Variants in NME7 observed in about 807,000 individuals in gnomAD.
NME7 encodes nucleoside diphosphate kinase 7.
NME7 carries 41 observed loss-of-function variants against 49.1 expected under a neutral mutation model. The ratio of observed to expected loss-of-function variants is 0.83; its 90% CI spans 0.65 to 1.08. NME7 has a LOEUF of 1.08. NME7 is among the 50% of genes least tolerant of loss of function. The probability of loss-of-function intolerance (pLI) is 0.00; values close to 1 mark genes in which losing one functional copy is unlikely to be tolerated. For missense variants in NME7, 423 were observed against 463.4 expected, an observed-to-expected ratio of 0.91 and a Z score of 0.80; for synonymous variants, 139 against 150.6, an observed-to-expected ratio of 0.92 and a Z score of 0.56.
rs868448588 is a variant in NME7, at chr1:169,324,497, G to A, written c.7C>T (p.His3Tyr). The change falls in exon 2 of 12, where the codon CAT becomes TAT. Residue 3 changes from histidine (H) to tyrosine (Y), a missense_variant. Coordinates refer to ENST00000367811, the MANE Select transcript of NME7 (RefSeq NM_013330.5). ...GCAATGAAAACGAATCTTTCACTAT[G>A]ATTCTGCAAAGAAAGACAGAAGAAT... MNHSERFVFIAEW... is the reference protein window; with the variant it reads MNYSERFVFIAEW... 1 of 1,589,058 alleles carries A rather than the reference G, an allele frequency of 6.3e-7. No individual in the cohort carries two copies. The highest frequency in any genetic ancestry group is 1.1e-5 in the South Asian group (1 of 90,240).
chr1:169,280,970 A>T (rs896314101), intron 7 of NME7, among the ~76,000 whole-genome samples: 3 of 152,070 alleles, frequency 2.0e-5, no homozygotes, highest in African/African-American at 7.2e-5. Flanking sequence ...AGTTTAAAGT[A>T]GTTTTTTTCC....
chr1:169,142,674 C>T (rs1658630712), intron 11 of NME7, among the ~76,000 whole-genome samples: 2 of 152,136 alleles, frequency 1.3e-5, no homozygotes, highest in Non-Finnish European at 2.9e-5. Context: ...CTTCTTTGGG[C>T]AACACATTCC....
At chr1:169,200,470 G>T (rs2101777201) in intron 10 of NME7, among the ~76,000 whole-genome samples, 1 of 152,180 alleles carries the variant, frequency 6.6e-6, no homozygotes. Context: ...ACCCTGAGGA[G>T]ACTGTCCCTC....
chr1:169,223,774 CATAT>C (rs369704336), intron 10 of NME7, among the ~76,000 whole-genome samples: 3 of 150,918 alleles, frequency 2.0e-5, no homozygotes, highest in African/African-American at 4.9e-5. Context: ...GGAATACATG[CATAT>C]ATATATATAG....
intron 8 of NME7, 84 bp downstream of exon 8, chr1:169,237,539 C>G: frequency 1.0e-6 from 1 of 983,860 alleles, no homozygotes; most frequent in Admixed American, 1.9e-5. Flanking sequence ...CATGAGTACA[C>G]AGGGAACATT....
chr1:169,355,304 T>TATATTGTATATTATATAC (rs1653418539), intron 1 of NME7, among the ~76,000 whole-genome samples: 2 of 104,616 alleles, frequency 1.9e-5, no homozygotes, highest in African/African-American at 8.0e-5. Context: ...ATATTATATA[T>TATATTGTATATTATATAC]AATATATTGT....
chr1:169,358,152 G>T (rs1653526941), intron 1 of NME7, among the ~76,000 whole-genome samples: 1 of 151,964 alleles, frequency 6.6e-6, no homozygotes, highest in Non-Finnish European at 1.5e-5. Flanking sequence ...ATTTATTTTT[G>T]AAGGTTGATA....
At chr1:169,306,202 G>GTA (rs1558032223) in intron 4 of NME7, among the ~76,000 whole-genome samples, 2 of 152,238 alleles carry the variant, frequency 1.3e-5, no homozygotes, top group Admixed American at 1.3e-4. Flanking sequence ...TAAGAGTCTT[G>GTA]TATACTCTAT....
At chr1:169,283,428 G>A (rs1021570954) in intron 7 of NME7, among the ~76,000 whole-genome samples, 4 of 152,086 alleles carry the variant, frequency 2.6e-5, no homozygotes, top group African/African-American at 9.7e-5. Context: ...TTTAACTGGG[G>A]CATTTAGCTT....
intron 10 of NME7, chr1:169,190,591 A>G (rs539747871): frequency 4.8e-6 from 2 of 415,054 alleles, no homozygotes; most frequent in East Asian, 8.2e-5. Flanking sequence ...GAAAACAATG[A>G]AAGTGTTATT....
chr1:169,205,451 G>A (rs1212596238), intron 10 of NME7, among the ~76,000 whole-genome samples: 2 of 152,108 alleles, frequency 1.3e-5, no homozygotes, highest in Non-Finnish European at 2.9e-5. Flanking sequence ...CTCACAGCAT[G>A]TATCCTAGGC....
At chr1:169,192,743 A>G (rs1018963873) in intron 10 of NME7, among the ~76,000 whole-genome samples, 4 of 152,188 alleles carry the variant, frequency 2.6e-5, no homozygotes, top group African/African-American at 9.7e-5. Context: ...CAACTTAGTT[A>G]TGGTAACTTG....
At chr1:169,325,368 A>G (rs1194684328) in intron 1 of NME7, among the ~76,000 whole-genome samples, 1 of 152,164 alleles carries the variant, frequency 6.6e-6, no homozygotes, top group Non-Finnish European at 1.5e-5. Context: ...CTCAGCACAA[A>G]AGCAGCAGTG....
At chr1:169,153,865 ATTT>A (rs34219745) in intron 11 of NME7, among the ~76,000 whole-genome samples, 89 of 145,782 alleles carry the variant, frequency 6.1e-4, no homozygotes, top group Non-Finnish European at 1.0e-3. Context: ...TGCTCGGCTA[ATTT>A]TTTTTTTTTT....
intron 1 of NME7, among the ~76,000 whole-genome samples, chr1:169,334,947 CAACA>C (rs1409295771): frequency 1.3e-5 from 2 of 151,952 alleles, no homozygotes; most frequent in Admixed American, 6.6e-5. Context: ...TTTATGTGGC[CAACA>C]AACATGAAAA....
intron 11 of NME7, among the ~76,000 whole-genome samples, chr1:169,161,492 T>C (rs2101834206): frequency 6.6e-6 from 1 of 152,340 alleles, no homozygotes; most frequent in Admixed American, 6.5e-5. Context: ...ATTCACTATT[T>C]TTTCCCCCAG....
chr1:169,268,579 T>C (rs1182763935), intron 7 of NME7, among the ~76,000 whole-genome samples: 1 of 133,332 alleles, frequency 7.5e-6, no homozygotes, highest in Non-Finnish European at 1.8e-5. Context: ...ACATGGTACA[T>C]ATACACCATG....
At chr1:169,205,045 T>C (rs1021081727) in intron 10 of NME7, among the ~76,000 whole-genome samples, 8 of 152,098 alleles carry the variant, frequency 5.3e-5, no homozygotes, top group Non-Finnish European at 1.2e-4. Context: ...AGCCTATAAA[T>C]ATATATTTAC....
intron 10 of NME7, among the ~76,000 whole-genome samples, chr1:169,212,783 T>C (rs1330039005): frequency 1.3e-5 from 2 of 151,918 alleles, no homozygotes; most frequent in Non-Finnish European, 2.9e-5. Flanking sequence ...TAAGGTTTTT[T>C]TGTTTTTGTT....
Sources: allele counts gnomAD v4.1 joint callset (sites outside exome capture counted in the v4.1 genomes callset), GRCh38; gene constraint gnomAD v4.1.1; transcripts MANE v1.5; gene names NCBI Gene and HGNC (gene_info 2026-07-23, HGNC 2026-07-21).